SMYD1: variants seen among roughly 807,000 people sequenced by gnomAD.
SMYD1 encodes the protein SET and MYND domain containing 1, also known as histone-lysine N-methyltransferase SMYD1.
A neutral mutation model predicts 54.0 loss-of-function variants in SMYD1; 49 were observed. The observed-to-expected ratio is 0.91, with a 90% CI of 0.72 to 1.15. The LOEUF is 1.15. Ranked by LOEUF, SMYD1 falls within the 50% of genes most tolerant of loss-of-function variation. SMYD1 has a pLI of 0.00. For missense variants in SMYD1, 653 were observed against 639.6 expected (o/e 1.02, Z -0.23); for synonymous variants, 269 against 234.2 (o/e 1.15, Z -1.36).
Position 88,077,652 on chromosome 2 carries a change from T to A in SMYD1, c.138-6664T>A, listed in dbSNP as rs73947531. Among the ~76,000 whole-genome samples, 404 of 152,062 alleles carry A rather than the reference T, an allele frequency of 2.7e-3. 2 individuals carry two copies. The highest frequency in any genetic ancestry group is 9.2e-3 in the African/African-American group (383 of 41,480). Reference sequence around the variant, plus strand: ...TCTTTCTCGGAATCCAAAAAGTGGCTTTAGGACTTCATGTTATTTGGACAC... The same window carrying A: ...TCTTTCTCGGAATCCAAAAAGTGGCATTAGGACTTCATGTTATTTGGACAC... On this transcript the variant is annotated intron_variant, in intron 1 of 9. Transcript: ENST00000419482.
At chr2:88,101,416 C>G (rs1674717826) in intron 6 of SMYD1, among the ~76,000 whole-genome samples, 1 of 152,036 alleles carries the variant, frequency 6.6e-6, no homozygotes, top group Non-Finnish European at 1.5e-5. Flanking sequence ...AAAATGTCTA[C>G]AATATACTGA....
chr2:88,098,465 C>T (rs1223091285), intron 6 of SMYD1, among the ~76,000 whole-genome samples: 2 of 152,114 alleles, frequency 1.3e-5, no homozygotes, highest in Non-Finnish European at 2.9e-5. Context: ...CTGCTTGAAC[C>T]TACCTGAATT....
chr2:88,093,084 C>T (rs1340532316), intron 4 of SMYD1, among the ~76,000 whole-genome samples: 1 of 152,188 alleles, frequency 6.6e-6, no homozygotes. Context: ...TCTCTGTGAC[C>T]TAACCAGACT....
chr2:88,110,716 G>A lies in SMYD1; in HGVS notation c.*204G>A. Reference sequence around the variant, plus strand: ...TTCAAGTTAACTCTAGCCCAGCCCAGATCAACTCCTCCTACAAATATTATT... The same window carrying A: ...TTCAAGTTAACTCTAGCCCAGCCCAAATCAACTCCTCCTACAAATATTATT... On this transcript the variant is annotated 3_prime_UTR_variant, in exon 10 of 10. Transcript: ENST00000419482. 1 of 524,358 alleles carries A rather than the reference G, an allele frequency of 1.9e-6. No homozygotes were observed. The highest frequency in any genetic ancestry group is 3.8e-5 in the South Asian group (1 of 26,394). 32.5% of individuals were successfully genotyped at this position (524,358 alleles called of 1,614,324 possible).
At chr2:88,108,587 T>G in intron 9 of SMYD1, 48 bp downstream of exon 9, 1 of 1,510,638 alleles carries the variant, frequency 6.6e-7, no homozygotes, top group Non-Finnish European at 8.9e-7. Flanking sequence ...CTGAGCTTTC[T>G]GAGGATGGGA....
At chr2:88,070,404 TTTAG>T (rs1673918965) in intron 1 of SMYD1, among the ~76,000 whole-genome samples, 2 of 152,278 alleles carry the variant, frequency 1.3e-5, no homozygotes, top group South Asian at 4.1e-4. Context: ...AGATTTTATT[TTTAG>T]TTGAGCACTG....
intron 2 of SMYD1, among the ~76,000 whole-genome samples, chr2:88,084,731 G>A (rs1250893748): frequency 6.6e-6 from 1 of 151,958 alleles, no homozygotes; most frequent in African/African-American, 2.4e-5. Flanking sequence ...GATTCCTTCT[G>A]TAGGGCTCCC....
intron 1 of SMYD1, among the ~76,000 whole-genome samples, chr2:88,071,023 T>C (rs890451011): frequency 9.2e-5 from 14 of 152,074 alleles, no homozygotes; most frequent in African/African-American, 3.4e-4. Context: ...TTTAGTTATG[T>C]TTTGTTTTTG....
intron 7 of SMYD1, among the ~76,000 whole-genome samples, chr2:88,105,378 T>TATACAC (rs543232748): frequency 2.3e-4 from 35 of 150,882 alleles, no homozygotes; most frequent in Admixed American, 7.3e-4. Context: ...CATGCATATA[T>TATACAC]ACACACACAC....
At position 88,112,443 on chromosome 2, in the gene SMYD1, A is replaced by C; in HGVS notation, c.*1931A>C. 2.7e-6 allele frequency: 1 copy of C among 377,266 alleles called. No individual in the cohort carries two copies. Among genetic ancestry groups the C allele is most frequent in the East Asian group, 4.5e-5 (1 of 22,116 alleles). 23.4% of individuals were successfully genotyped at this position (377,266 alleles called of 1,614,324 possible). A position where few individuals can be genotyped will look rare whatever the true frequency, so the allele number is the denominator to read the frequency against. On this transcript the variant is annotated 3_prime_UTR_variant, in exon 10 of 10. Transcript: ENST00000419482. ...ACTCTGGATCCCTTCCCCTGCTTTG[A>C]CCCCCAGACTTTGCTCCATCTATTA...
chr2:88,089,583 C>CTCTT (rs1481581789), intron 3 of SMYD1, among the ~76,000 whole-genome samples: 3,990 of 114,494 alleles, frequency 0.035, 511 homozygotes, highest in African/African-American at 0.13. Flanking sequence ...GAGCTTCTAC[C>CTCTT]TGTTTTTTTT....
intron 3 of SMYD1, 113 bp from the exon 4 acceptor site, chr2:88,090,899 A>G: frequency 8.2e-7 from 1 of 1,212,926 alleles, no homozygotes; most frequent in East Asian, 2.4e-5. Context: ...CAGACTCCCT[A>G]AGCATCTCCA....
Position 88,091,026 on chromosome 2 carries a change from T to C in SMYD1, c.543T>C (p.Gly181=), listed in dbSNP as rs759511897. The change falls in exon 4 of 10, where the codon GGT becomes GGC. Residue 181 remains glycine, a synonymous_variant. Coordinates refer to ENST00000419482, the MANE Select transcript of SMYD1 (RefSeq NM_198274.4). Reference sequence around the variant, plus strand: ...CCCCTGGGTAGATTAACTGCAACGGTTTTACTCTCAGTGATCAGAGAGGCC... The same window carrying C: ...CCCCTGGGTAGATTAACTGCAACGGCTTTACTCTCAGTGATCAGAGAGGCC... The part of the protein sequence containing the change: ...SHIFGVINCN[G]FTLSDQRGLQ... The C allele has an allele frequency of 1.1e-5, 18 of 1,613,792 alleles. No homozygotes were observed. The highest frequency in any genetic ancestry group is 1.3e-5 in the Non-Finnish European group (15 of 1,179,856).
At chr2:88,103,191 G>A (rs1388822299) in intron 7 of SMYD1, 41 bp downstream of exon 7, 2 of 1,570,052 alleles carry the variant, frequency 1.3e-6, no homozygotes, top group Admixed American at 3.4e-5. Flanking sequence ...GTAGAAAGGA[G>A]GGTGGAAACA....
At chr2:88,102,787 G>T (rs1288681126) in intron 6 of SMYD1, among the ~76,000 whole-genome samples, 2 of 152,180 alleles carry the variant, frequency 1.3e-5, no homozygotes, top group Non-Finnish European at 2.9e-5. Flanking sequence ...TTCTGCCCTG[G>T]GGTTCAAAGG....
intron 1 of SMYD1, among the ~76,000 whole-genome samples, chr2:88,078,425 A>G (rs1674116926): frequency 6.6e-6 from 1 of 152,174 alleles, no homozygotes. Context: ...CCATTTTCAC[A>G]TAAGGAAACA....
intron 3 of SMYD1, 68 bp downstream of exon 3, chr2:88,088,143 G>A: frequency 6.8e-7 from 1 of 1,464,814 alleles, no homozygotes; most frequent in Non-Finnish European, 9.2e-7. Context: ...CTCCCACTTG[G>A]GGAGGGTGGG....
At chr2:88,099,080 T>A (rs2970904) in intron 6 of SMYD1, among the ~76,000 whole-genome samples, 87,946 of 151,952 alleles carry the variant, frequency 0.58, 26,080 homozygotes, top group African/African-American at 0.7. Context: ...CTTTTTTAAA[T>A]TTTATTTTAT....
intron 2 of SMYD1, among the ~76,000 whole-genome samples, chr2:88,086,991 C>T (rs1156349992): frequency 1.8e-5 from 2 of 113,528 alleles, no homozygotes; most frequent in Non-Finnish European, 3.5e-5. Flanking sequence ...CCCCTCCCCC[C>T]ACCCCACCAC....
Sources: gnomAD v4.1 joint callset for allele counts (sites outside exome capture counted in the v4.1 genomes callset) on GRCh38, gnomAD v4.1.1 for gene constraint, MANE v1.5 for transcripts, NCBI Gene and HGNC (gene_info 2026-07-23, HGNC 2026-07-21) for gene names.